The following NLN variants were observed in gnomAD, a reference collection of about 807,000 sequenced individuals.
NLN encodes neurolysin, also known as neurolysin, mitochondrial.
NLN carries 64 observed loss-of-function variants against 79.9 expected under a neutral mutation model. The observed-to-expected ratio is 0.80, with a 90% CI of 0.65 to 0.99. The LOEUF is 0.99. Among genes scored for constraint, NLN ranks in the 50% least tolerant of loss-of-function variants. NLN has a pLI of 0.00. For synonymous variants in NLN, 267 were observed against 296.6 expected (o/e 0.90, Z 1.02); for missense variants, 835 against 858.7 (o/e 0.97, Z 0.34).
chr5:65,757,468 C>T (rs1030032101), intron 1 of NLN, among the ~76,000 whole-genome samples: 6 of 152,138 alleles, frequency 3.9e-5, no homozygotes, highest in African/African-American at 1.4e-4. Flanking sequence ...CAGTATATAA[C>T]TTAGAGGGTT....
Position 65,809,498 on chromosome 5 carries a change from C to T in NLN, c.1528-17C>T, listed in dbSNP as rs766178305. On this transcript the variant is annotated splice_polypyrimidine_tract_variant and intron_variant, in intron 9 of 12. Coordinates refer to ENST00000380985, the MANE Select transcript of NLN (RefSeq NM_020726.5). ...TCATTGAGTTCTTTAAAAAAATTCT[C>T]TGTGTTTGCTTTCTAGACTGATTTT... 43 of 1,565,060 alleles carry T rather than the reference C, an allele frequency of 2.7e-5. No individual in the cohort carries two copies. The highest frequency in any genetic ancestry group is 3.6e-5 in the Non-Finnish European group (42 of 1,160,282).
At chr5:65,757,807 A>T (rs752155478) in intron 1 of NLN, among the ~76,000 whole-genome samples, 5 of 152,130 alleles carry the variant, frequency 3.3e-5, no homozygotes, top group Non-Finnish European at 5.9e-5. Flanking sequence ...ATTTACATGA[A>T]ATTTTGGTTA....
rs34339013 is a variant in NLN, at chr5:65,758,760, G to A, written c.235G>A (p.Gly79Ser). 4.0e-3 allele frequency: 6,450 copies of A among 1,613,688 alleles called. 227 individuals are homozygous for A. The African/African-American group carries it at 0.075, about 19-fold the overall frequency. Residue 79 changes from glycine (G) to serine (S), a missense_variant, in exon 2 of 13, where the codon GGT (glycine) becomes AGT (serine). Gly to Ser is a moderately conservative substitution (Grantham distance 56). Coordinates refer to ENST00000380985, the MANE Select transcript of NLN (RefSeq NM_020726.5). ...KQVYDAVGML[G>S]IEEVTYENCL... ...GGTGTACGATGCTGTTGGAATGCTC[G>A]GTATTGAGGAAGTAACTTACGAGAA...
chr5:65,794,257 A>G (rs966159958), intron 9 of NLN, among the ~76,000 whole-genome samples: 2 of 152,154 alleles, frequency 1.3e-5, no homozygotes, highest in Non-Finnish European at 2.9e-5. Flanking sequence ...AAGTAATCTC[A>G]CTTCAACTTA....
In NLN at chr5:65,785,858, C is replaced by T. The variant is rs189259847; in HGVS notation, c.906C>T (p.Phe302=). 312 of 1,613,872 alleles carry T rather than the reference C, an allele frequency of 1.9e-4. 2 individuals are homozygous for T. The East Asian group carries it at 6.4e-3, about 33-fold the overall frequency. ...KLLGYSTHAD[F]VLEMNTAKST... The stretch of plus-strand genomic sequence containing the variant: ...TCGGTTATAGCACACATGCTGACTT[C>T]GTCCTTGAAATGAACACTGCAAAGA... Residue 302 remains phenylalanine, a synonymous_variant, in exon 7 of 13, where the codon TTC becomes TTT. Coordinates refer to ENST00000380985, the MANE Select transcript of NLN (RefSeq NM_020726.5).
At chr5:65,722,810 G>C (rs1301929165) in intron 1 of NLN, 1 of 188,882 alleles carries the variant, frequency 5.3e-6, no homozygotes, top group African/African-American at 2.3e-5. Flanking sequence ...TTTGCTCCTC[G>C]CGCCCATTAT....
In NLN at chr5:65,763,118, G is replaced by A; in HGVS notation, c.450+10G>A. 2 of 1,610,130 alleles carry A rather than the reference G, an allele frequency of 1.2e-6. No homozygotes were observed. Among genetic ancestry groups the A allele is most frequent in the Non-Finnish European group, 8.5e-7 (1 of 1,177,252 alleles). ...AATTGTTCATTTACAGGTAAGTGGT[G>A]TTATAAATCCCTTTAAAGAGGGAAA... On this transcript the variant is annotated intron_variant, in intron 3 of 12. Coordinates refer to ENST00000380985, the MANE Select transcript of NLN (RefSeq NM_020726.5).
At chr5:65,770,504 A>T (rs1034586996) in intron 3 of NLN, among the ~76,000 whole-genome samples, 1 of 152,228 alleles carries the variant, frequency 6.6e-6, no homozygotes, top group African/African-American at 2.4e-5. Context: ...GGCAAAGATT[A>T]AGAAAACCAA....
intron 3 of NLN, among the ~76,000 whole-genome samples, chr5:65,768,925 G>C (rs956483816): frequency 6.6e-6 from 1 of 152,236 alleles, no homozygotes; most frequent in Non-Finnish European, 1.5e-5. Flanking sequence ...ATTGGGGATA[G>C]GGCTTCTACA....
chr5:65,783,199 T>C (rs1759836078), intron 6 of NLN, among the ~76,000 whole-genome samples: 1 of 152,190 alleles, frequency 6.6e-6, no homozygotes, highest in African/African-American at 2.4e-5. Context: ...GGGTAATGGA[T>C]AAGTTTTAGA....
intron 6 of NLN, 119 bp downstream of exon 6, chr5:65,781,540 C>G (rs1759801125): frequency 1.4e-6 from 1 of 721,696 alleles, no homozygotes; most frequent in African/African-American, 1.8e-5. Context: ...TGCACTGTAT[C>G]TCTAATTCCT....
chr5:65,826,962 C>CA lies in NLN; in HGVS notation c.*4048dup, dbSNP rs1760930103. ...TACATACCCTCAGTTCTTCGAAAAA[C>CA]AGTCAACGTCCAAAAAGTTTATTTT... On this transcript the variant is annotated 3_prime_UTR_variant, in exon 13 of 13. Coordinates refer to ENST00000380985, the MANE Select transcript of NLN (RefSeq NM_020726.5). 1 of 150,864 alleles carries CA rather than the reference C, an allele frequency of 6.6e-6. No homozygotes were observed. Among genetic ancestry groups the CA allele is most frequent in the Admixed American group, 6.6e-5 (1 of 15,060 alleles). 9.3% of individuals were successfully genotyped at this position (150,864 alleles called of 1,614,324 possible).
intron 1 of NLN, among the ~76,000 whole-genome samples, chr5:65,738,970 A>AT (rs1758802677): frequency 1.5e-5 from 1 of 67,020 alleles, no homozygotes; most frequent in Non-Finnish European, 2.9e-5. Context: ...TGTATATATA[A>AT]ATATATATAT....
chr5:65,723,409 G>C (rs938024020), intron 1 of NLN, among the ~76,000 whole-genome samples: 1 of 152,082 alleles, frequency 6.6e-6, no homozygotes, highest in Admixed American at 6.6e-5. Flanking sequence ...TCAGCCTGTC[G>C]TTTTTTGCTA....
At chr5:65,789,946 A>C (rs1252831863) in intron 8 of NLN, among the ~76,000 whole-genome samples, 1 of 152,210 alleles carries the variant, frequency 6.6e-6, no homozygotes, top group Non-Finnish European at 1.5e-5. Flanking sequence ...CTTCCTCTGT[A>C]ATATGGGACT....
At chr5:65,742,922 T>C (rs1013978341) in intron 1 of NLN, among the ~76,000 whole-genome samples, 1 of 152,216 alleles carries the variant, frequency 6.6e-6, no homozygotes, top group African/African-American at 2.4e-5. Flanking sequence ...GGGACTGAAC[T>C]TAGTGGTCAT....
chr5:65,741,031 G>C, intron 1 of NLN: 1 of 152,966 alleles, frequency 6.5e-6, no homozygotes. Flanking sequence ...GTGTACACCA[G>C]CACACCCAGC....
Position 65,753,182 on chromosome 5 carries a change from C to T in NLN, c.42-5385C>T, listed in dbSNP as rs181006260. On this transcript the variant is annotated intron_variant, in intron 1 of 12. Transcript: ENST00000380985. ...ACAATGTATACATGTATTGAAACAT[C>T]GCACTGTATCCTATAAAGATGTGCA... Among the ~76,000 whole-genome samples, 242 of 152,222 alleles carry T rather than the reference C, an allele frequency of 1.6e-3. 2 individuals carry two copies. The highest frequency in any genetic ancestry group is 1.6e-3 in the Non-Finnish European group (109 of 68,004).
At chr5:65,757,558 A>G (rs1759247243) in intron 1 of NLN, among the ~76,000 whole-genome samples, 1 of 152,124 alleles carries the variant, frequency 6.6e-6, no homozygotes, top group African/African-American at 2.4e-5. Flanking sequence ...GCTACTAAAT[A>G]TAACATTTTT....
Sources: allele counts gnomAD v4.1 joint callset (sites outside exome capture counted in the v4.1 genomes callset), GRCh38; gene constraint gnomAD v4.1.1; transcripts MANE v1.5; gene names NCBI Gene and HGNC (gene_info 2026-07-23, HGNC 2026-07-21).